GAS2: variants seen among roughly 807,000 people sequenced by gnomAD.
The protein encoded by GAS2 is growth arrest-specific protein 2.
In GAS2, 20 loss-of-function variants were observed where a neutral mutation model predicts 37.5. The ratio of observed to expected loss-of-function variants is 0.53; its 90% confidence interval spans 0.37 to 0.77. GAS2 has a LOEUF of 0.77. Among genes scored for constraint, GAS2 ranks in the 30% least tolerant of loss-of-function variants. GAS2 has a pLI of 0.00. For missense variants in GAS2, 336 were observed against 373.4 expected (o/e 0.90, Z 0.82); for synonymous variants, 144 against 132.2 (o/e 1.09, Z -0.61).
intron 1 of GAS2, among the ~76,000 whole-genome samples, chr11:22,657,638 A>G (rs564965348): frequency 6.6e-6 from 1 of 152,306 alleles, no homozygotes; most frequent in South Asian, 2.1e-4. Flanking sequence ...AGAAAGTAAT[A>G]GGGAAGAAAA....
intron 4 of GAS2, among the ~76,000 whole-genome samples, chr11:22,735,910 G>A (rs909433548): frequency 4.0e-5 from 6 of 151,246 alleles, no homozygotes; most frequent in African/African-American, 1.5e-4. Context: ...TTAGGATGAG[G>A]GCATTAGCTT....
At chr11:22,791,179 A>C (rs976957368) in intron 7 of GAS2, among the ~76,000 whole-genome samples, 2 of 152,222 alleles carry the variant, frequency 1.3e-5, no homozygotes, top group African/African-American at 4.8e-5. Flanking sequence ...TATGGTGAAG[A>C]TACTGAGTGA....
At chr11:22,637,761 T>A (rs1356886996) in intron 1 of GAS2, among the ~76,000 whole-genome samples, 1 of 145,104 alleles carries the variant, frequency 6.9e-6, no homozygotes, top group African/African-American at 2.5e-5. Flanking sequence ...GTAAATTAAT[T>A]TATATTTATA....
chr11:22,737,608 C>A, intron 4 of GAS2, 97 bp from the exon 5 acceptor site: 1 of 1,102,478 alleles, frequency 9.1e-7, no homozygotes, highest in Non-Finnish European at 1.4e-6. Flanking sequence ...AGATCCTTTC[C>A]TGGGAGCACG....
intron 1 of GAS2, among the ~76,000 whole-genome samples, chr11:22,634,874 TG>T (rs1317551354): frequency 1.3e-5 from 2 of 152,204 alleles, no homozygotes; most frequent in Non-Finnish European, 2.9e-5. Context: ...TATTCTCAAA[TG>T]CCAGCTGTAG....
intron 1 of GAS2, among the ~76,000 whole-genome samples, chr11:22,637,256 CTAATA>C (rs1858840637): frequency 1.2e-4 from 1 of 8,508 alleles, no homozygotes; most frequent in Non-Finnish European, 3.9e-4. Context: ...TAATAGTATA[CTAATA>C]TATTAATTAT....
chr11:22,766,984 G>A (rs1045507185), intron 7 of GAS2, among the ~76,000 whole-genome samples: 33 of 152,064 alleles, frequency 2.2e-4, no homozygotes, highest in Admixed American at 1.8e-3. Flanking sequence ...TGAAAACGTT[G>A]GCATAGCAAC....
chr11:22,713,323 A>T (rs1004205189), intron 3 of GAS2, among the ~76,000 whole-genome samples: 159 of 151,852 alleles, frequency 1.0e-3, no homozygotes, highest in Non-Finnish European at 1.8e-3. Context: ...AAAATAATTT[A>T]AAAAATGAGC....
In GAS2 at chr11:22,777,929, T is replaced by G. The variant is rs150597193; in HGVS notation, c.723+21976T>G. Among the ~76,000 whole-genome samples the G allele has an allele frequency of 6.6e-5, 10 of 152,314 alleles. No individual in the cohort carries two copies. In the East Asian group the frequency reaches 1.7e-3, roughly 26 times the overall value. ...GCAATTCTGCCAATTAGGAGGCTAT[T>G]TCAGTTGTTCATATGCTATGTGCAT... On this transcript the variant is annotated intron_variant, in intron 7 of 7. Coordinates refer to ENST00000454584, the MANE Select transcript of GAS2 (RefSeq NM_001143830.3).
intron 4 of GAS2, among the ~76,000 whole-genome samples, chr11:22,730,919 C>T (rs1189671667): frequency 6.6e-6 from 1 of 151,546 alleles, no homozygotes; most frequent in Non-Finnish European, 1.5e-5. Context: ...ATAATTTAAC[C>T]ACGTTTTCTA....
At chr11:22,720,216 C>T (rs1464989668) in intron 3 of GAS2, among the ~76,000 whole-genome samples, 1 of 151,916 alleles carries the variant, frequency 6.6e-6, no homozygotes, top group Non-Finnish European at 1.5e-5. Flanking sequence ...GAATATTGCA[C>T]TAAAATTTTG....
chr11:22,626,028 G>T, intron 1 of GAS2: 1 of 623,102 alleles, frequency 1.6e-6, no homozygotes, highest in Non-Finnish European at 2.9e-6. Context: ...CTTAGTGGAG[G>T]GAGAGCAGAT....
chr11:22,632,934 T>A (rs568782607), intron 1 of GAS2, among the ~76,000 whole-genome samples: 14 of 152,188 alleles, frequency 9.2e-5, no homozygotes, highest in Middle Eastern at 3.4e-3. Flanking sequence ...AATATCAATC[T>A]GTTTAGGAAA....
At chr11:22,643,475 C>T (rs1212666324) in intron 1 of GAS2, among the ~76,000 whole-genome samples, 3 of 129,168 alleles carry the variant, frequency 2.3e-5, no homozygotes, top group Middle Eastern at 8.3e-3. Flanking sequence ...AAAAAAAAAA[C>T]GATATAGAAG....
chr11:22,724,050 A>T (rs80127893), intron 3 of GAS2, among the ~76,000 whole-genome samples: 1,655 of 152,004 alleles, frequency 0.011, 38 homozygotes, highest in African/African-American at 0.038. Context: ...TCCTTCTTGA[A>T]TTATTTCTAA....
At chr11:22,726,624 C>T (rs1239336071) in intron 4 of GAS2, among the ~76,000 whole-genome samples, 191 bp downstream of exon 4, 1 of 152,044 alleles carries the variant, frequency 6.6e-6, no homozygotes, top group African/African-American at 2.4e-5. Context: ...TGAATATGCC[C>T]TCTTACTATT....
upstream of GAS2, among the ~76,000 whole-genome samples, chr11:22,663,418 AAAAAAAT>A (rs1396627876): frequency 6.6e-6 from 1 of 151,956 alleles, no homozygotes; most frequent in Non-Finnish European, 1.5e-5. Context: ...AAAAAAAAAT[AAAAAAAT>A]AAAAAATAAA....
At chr11:22,779,714 A>AAACAAAAAAC (rs1491588235) in intron 7 of GAS2, among the ~76,000 whole-genome samples, 1 of 2,710 alleles carries the variant, frequency 3.7e-4, no homozygotes, top group Non-Finnish European at 0.17. Flanking sequence ...AACAAAAAAC[A>AAACAAAAAAC]AAAAAAAAAA....
chr11:22,775,653 T>C (rs533540680), intron 7 of GAS2, among the ~76,000 whole-genome samples: 43 of 152,000 alleles, frequency 2.8e-4, no homozygotes, highest in African/African-American at 9.4e-4. Flanking sequence ...CTGTAATGAG[T>C]TTTTGTTTGT....
Sources: gnomAD v4.1 joint callset for allele counts (sites outside exome capture counted in the v4.1 genomes callset) on GRCh38, gnomAD v4.1.1 for gene constraint, MANE v1.5 for transcripts, NCBI Gene and HGNC (gene_info 2026-07-23, HGNC 2026-07-21) for gene names.